Variants in IL1R1 observed in about 807,000 individuals in gnomAD.
The protein encoded by IL1R1 is interleukin 1 receptor type 1, also known as interleukin-1 receptor type 1.
IL1R1 carries 22 observed loss-of-function variants against 50.2 expected under a neutral mutation model. The ratio of observed to expected loss-of-function variants is 0.44; its 90% confidence interval spans 0.31 to 0.63. The LOEUF (loss-of-function observed/expected upper bound fraction) is 0.63, where lower values mean the gene tolerates loss of function less well. Among genes scored for constraint, IL1R1 ranks in the 20% least tolerant of loss-of-function variants. The pLI, the probability that IL1R1 is intolerant of heterozygous loss-of-function variation, is 0.07. For synonymous variants in IL1R1, 251 were observed against 236.7 expected (o/e 1.06, Z -0.55); for missense variants, 509 against 676.2 (o/e 0.75, Z 2.74).
At chr2:102,111,734 G>A (rs147081288) in intron 1 of IL1R1, among the ~76,000 whole-genome samples, 19 of 152,278 alleles carry the variant, frequency 1.2e-4, no homozygotes, top group East Asian at 5.8e-4. Context: ...ACCAGAACAC[G>A]GGTAACTCTG....
intron 1 of IL1R1, among the ~76,000 whole-genome samples, chr2:102,128,634 G>A (rs1044270388): frequency 6.6e-6 from 1 of 152,174 alleles, no homozygotes; most frequent in Non-Finnish European, 1.5e-5. Flanking sequence ...GGATACATTT[G>A]GGGCAGTTGG....
chr2:102,115,769 C>T (rs1054469966), intron 1 of IL1R1, among the ~76,000 whole-genome samples: 1 of 152,096 alleles, frequency 6.6e-6, no homozygotes, highest in African/African-American at 2.4e-5. Context: ...GAGGAAACTG[C>T]ACGAGCAAGA....
At chr2:102,086,339 A>G (rs1396640184) in intron 1 of IL1R1, among the ~76,000 whole-genome samples, 2 of 152,028 alleles carry the variant, frequency 1.3e-5, no homozygotes, top group African/African-American at 4.8e-5. Context: ...CCTGTATGTG[A>G]TGGGTCGTTT....
At chr2:102,139,333 G>A (rs755051961), upstream of IL1R1, among the ~76,000 whole-genome samples, 3 of 152,210 alleles carry the variant, frequency 2.0e-5, no homozygotes, top group Non-Finnish European at 2.9e-5. Context: ...CCTGTCCTCA[G>A]GCCCAGGCAT....
At chr2:102,145,323 TC>T (rs1488756035) in intron 1 of IL1R1, among the ~76,000 whole-genome samples, 4 of 152,172 alleles carry the variant, frequency 2.6e-5, no homozygotes, top group Non-Finnish European at 5.9e-5. Flanking sequence ...GCAGCCTTTT[TC>T]TCCTCTGGTT....
chr2:102,071,870 G>A (rs1217200863), intron 1 of IL1R1, among the ~76,000 whole-genome samples: 1 of 152,174 alleles, frequency 6.6e-6, no homozygotes, highest in Non-Finnish European at 1.5e-5. Flanking sequence ...GCTGCCAAGG[G>A]CCATCTTCCG....
intron 5 of IL1R1, 95 bp downstream of exon 5, chr2:102,165,399 T>C (rs908328685): frequency 1.7e-6 from 1 of 605,596 alleles, no homozygotes; most frequent in Non-Finnish European, 2.6e-6. Flanking sequence ...TTTTATTTTG[T>C]ATATTGTTTT....
chr2:102,160,264 CT>C lies in IL1R1; in HGVS notation c.61+2487del, dbSNP rs554699980. 2.1e-3 allele frequency among the ~76,000 whole-genome samples: 313 copies of C among 151,826 alleles called. 2 individuals are homozygous for C. Among genetic ancestry groups the C allele is most frequent in the Non-Finnish European group, 2.4e-3 (160 of 67,904 alleles). On this transcript the variant is annotated intron_variant, in intron 3 of 11. Coordinates refer to ENST00000410023, the MANE Select transcript of IL1R1 (RefSeq NM_000877.4). ...ATTATTTAAAAAAGAGATGTCATCT[CT>C]TTTTTTTCCTGATTAGTCTGGCTAA...
chr2:102,122,081 G>A (rs994291333), intron 1 of IL1R1, among the ~76,000 whole-genome samples: 1 of 152,108 alleles, frequency 6.6e-6, no homozygotes, highest in Non-Finnish European at 1.5e-5. Flanking sequence ...CAATACACAT[G>A]GGGCTGGACC....
At chr2:102,176,207 A>G (rs1272623213) in intron 11 of IL1R1, 146 bp from the exon 12 acceptor site, 7 of 653,048 alleles carry the variant, frequency 1.1e-5, no homozygotes, top group Non-Finnish European at 1.8e-5. Context: ...TTAATTAAAA[A>G]CATGGGAAAC....
rs1686355860 is a variant in IL1R1, at chr2:102,178,866, G to A, written c.*2107G>A. The A allele has an allele frequency of 6.6e-6, 1 of 152,290 alleles. No homozygotes were observed. The highest frequency in any genetic ancestry group is 2.4e-5 in the African/African-American group (1 of 41,422). The allele number at this position is 152,290 out of a possible 1,614,324, so 9.4% of individuals were successfully genotyped here. ...ACAGTTTTAAGAGTTGTATGAACAT[G>A]GAGAGGACTTTTGGTTTTTATATTT... On this transcript the variant is annotated 3_prime_UTR_variant, in exon 12 of 12. Coordinates refer to ENST00000410023, the MANE Select transcript of IL1R1 (RefSeq NM_000877.4).
At chr2:102,071,476 G>C (rs141345666) in intron 1 of IL1R1, among the ~76,000 whole-genome samples, 1 of 152,182 alleles carries the variant, frequency 6.6e-6, no homozygotes, top group Non-Finnish European at 1.5e-5. Context: ...TTGTAAGATT[G>C]TGTCATAATG....
intron 1 of IL1R1, among the ~76,000 whole-genome samples, chr2:102,097,378 A>G (rs1457678414): frequency 6.6e-6 from 1 of 152,176 alleles, no homozygotes; most frequent in African/African-American, 2.4e-5. Flanking sequence ...GTACCATATC[A>G]TCTAAGTGTG....
At chr2:102,100,320 C>T (rs1184598641), upstream of IL1R1, among the ~76,000 whole-genome samples, 2 of 152,186 alleles carry the variant, frequency 1.3e-5, no homozygotes, top group African/African-American at 4.8e-5. Context: ...CCCAGCCTGG[C>T]TGCCTCTTTT....
At chr2:102,131,559 TA>T (rs901829871) in intron 1 of IL1R1, among the ~76,000 whole-genome samples, 7 of 149,968 alleles carry the variant, frequency 4.7e-5, no homozygotes, top group African/African-American at 1.5e-4. Flanking sequence ...ATTTCTGAGG[TA>T]AAAAAAATGA....
chr2:102,102,636 G>A (rs1203163201), upstream of IL1R1, among the ~76,000 whole-genome samples: 1 of 152,024 alleles, frequency 6.6e-6, no homozygotes, highest in African/African-American at 2.4e-5. Flanking sequence ...ACTACCATTT[G>A]ACTCAGCCAT....
At chr2:102,160,263 T>C (rs761325326) in intron 3 of IL1R1, among the ~76,000 whole-genome samples, 1 of 152,110 alleles carries the variant, frequency 6.6e-6, no homozygotes, top group African/African-American at 2.4e-5. Context: ...AGATGTCATC[T>C]CTTTTTTTTC....
At chr2:102,128,063 T>C (rs1193100141) in intron 1 of IL1R1, among the ~76,000 whole-genome samples, 1 of 152,226 alleles carries the variant, frequency 6.6e-6, no homozygotes, top group Admixed American at 6.5e-5. Context: ...GATCAAGTTA[T>C]CTATGCATTT....
chr2:102,083,970 A>G (rs903575918), intron 1 of IL1R1, among the ~76,000 whole-genome samples: 6 of 151,750 alleles, frequency 4.0e-5, no homozygotes, highest in Non-Finnish European at 8.8e-5. Flanking sequence ...AAATAGCAAT[A>G]TGTGCTTTAG....
Sources: gnomAD v4.1 joint callset for allele counts (sites outside exome capture counted in the v4.1 genomes callset) on GRCh38, gnomAD v4.1.1 for gene constraint, MANE v1.5 for transcripts, NCBI Gene and HGNC (gene_info 2026-07-23, HGNC 2026-07-21) for gene names.